The following RAI14 variants were observed in gnomAD, a reference collection of about 807,000 sequenced individuals.
RAI14 encodes retinoic acid induced 14.
A neutral mutation model predicts 115.4 loss-of-function variants in RAI14; 45 were observed. That is an observed-to-expected ratio of 0.39 (90% CI 0.31 to 0.50). The LOEUF is 0.50. Ranked by LOEUF, RAI14 falls within the 20% of genes least tolerant of loss-of-function variation. RAI14 has a pLI of 0.85. For missense variants in RAI14, 939 were observed against 1,131.2 expected (o/e 0.83, Z 2.44); for synonymous variants, 371 against 415.4 (o/e 0.89, Z 1.30).
intron 3 of RAI14, among the ~76,000 whole-genome samples, chr5:34,794,981 GAC>G (rs1235940660): frequency 1.3e-5 from 2 of 152,184 alleles, no homozygotes; most frequent in African/African-American, 4.8e-5. Flanking sequence ...AAACAGGACT[GAC>G]TCAGGAGAAG....
chr5:34,805,232 T>G (rs1043825561), intron 5 of RAI14, among the ~76,000 whole-genome samples: 2 of 151,850 alleles, frequency 1.3e-5, no homozygotes, highest in Non-Finnish European at 1.5e-5. Context: ...ATTGTTCTTC[T>G]TCCTGGATGG....
intron 2 of RAI14, among the ~76,000 whole-genome samples, chr5:34,692,976 G>A (rs1278135827): frequency 6.6e-6 from 1 of 152,172 alleles, no homozygotes; most frequent in Non-Finnish European, 1.5e-5. Flanking sequence ...TCTGGTGGTT[G>A]GCTGGCAGTG....
intron 1 of RAI14, among the ~76,000 whole-genome samples, chr5:34,658,276 A>G (rs1742435183): frequency 6.6e-6 from 1 of 152,188 alleles, no homozygotes; most frequent in Non-Finnish European, 1.5e-5. Context: ...CCCGCCCACC[A>G]GTAGTGAACC....
At chr5:34,753,238 G>T (rs1747365160) in intron 2 of RAI14, among the ~76,000 whole-genome samples, 1 of 152,096 alleles carries the variant, frequency 6.6e-6, no homozygotes, top group Non-Finnish European at 1.5e-5. Context: ...AGCCTTCTTT[G>T]ATTCTAGAGT....
At chr5:34,767,205 A>G (rs1312561416) in intron 3 of RAI14, among the ~76,000 whole-genome samples, 1 of 152,218 alleles carries the variant, frequency 6.6e-6, no homozygotes, top group Non-Finnish European at 1.5e-5. Context: ...TATATTGAGA[A>G]CAAAGGATTT....
intron 1 of RAI14, among the ~76,000 whole-genome samples, chr5:34,673,207 T>C (rs1378566915): frequency 6.6e-6 from 1 of 152,160 alleles, no homozygotes; most frequent in African/African-American, 2.4e-5. Flanking sequence ...AGAATGGAAA[T>C]AGCCCAGAAG....
intron 1 of RAI14, chr5:34,659,116 C>T (rs2149836723): frequency 6.6e-6 from 1 of 152,224 alleles, no homozygotes. Flanking sequence ...ATAATTCTAC[C>T]TATGTATAGC....
intron 14 of RAI14, among the ~76,000 whole-genome samples, chr5:34,822,250 G>GTATGTATATATATATATATATATATA (rs1554012471): frequency 5.2e-5 from 7 of 134,730 alleles, no homozygotes; most frequent in African/African-American, 2.0e-4. Flanking sequence ...ATGTGTGTAT[G>GTATGTATATATATATATATATATATA]TATATATATA....
chr5:34,682,970 G>C (rs1462676969), intron 1 of RAI14, among the ~76,000 whole-genome samples: 1 of 152,198 alleles, frequency 6.6e-6, no homozygotes, highest in Non-Finnish European at 1.5e-5. Context: ...CTGGGCTTTA[G>C]AAGTTTGGGA....
chr5:34,672,316 C>A (rs1361010188), intron 1 of RAI14, among the ~76,000 whole-genome samples: 1 of 152,066 alleles, frequency 6.6e-6, no homozygotes, highest in Non-Finnish European at 1.5e-5. Flanking sequence ...TCTTGAGTAG[C>A]CTTAATGCTA....
chr5:34,798,346 G>GTTTTTTT (rs57789035), intron 4 of RAI14, among the ~76,000 whole-genome samples: 1 of 119,556 alleles, frequency 8.4e-6, no homozygotes, highest in Non-Finnish European at 1.9e-5. Flanking sequence ...GCCAGAATAA[G>GTTTTTTT]TTTTTTTTTT....
rs1488672988 is a variant in RAI14 at position 34,827,242 on chromosome 5, G to T, written c.2799+763G>T. Among the ~76,000 whole-genome samples the T allele has an allele frequency of 2.0e-5, 3 of 151,884 alleles. No homozygotes were observed. Among genetic ancestry groups the T allele is most frequent in the African/African-American group, 7.3e-5 (3 of 41,344 alleles). ...ATTTTCTTGCCTCCCTCTTATAAGG[G>T]CTCTTGTGATTACATCTAAAGCCCA... is the stretch of plus-strand genomic sequence containing the variant. On this transcript the variant is annotated intron_variant, in intron 16 of 17. Transcript: ENST00000265109. This position sits in a 1 kb window ranked among gnomAD's most constrained non-coding sequence, Gnocchi z 4.2.
intron 3 of RAI14, among the ~76,000 whole-genome samples, chr5:34,790,767 CAT>C (rs4001958): frequency 0.24 from 34,424 of 144,750 alleles, 4,734 homozygotes; most frequent in Non-Finnish European, 0.3. Context: ...TGTATATATA[CAT>C]ATATATATAT....
At chr5:34,735,744 C>T (rs1399959549) in intron 2 of RAI14, among the ~76,000 whole-genome samples, 1 of 152,168 alleles carries the variant, frequency 6.6e-6, no homozygotes, top group African/African-American at 2.4e-5. Flanking sequence ...GAAATTAATT[C>T]GGCAGGGTTT....
intron 1 of RAI14, among the ~76,000 whole-genome samples, chr5:34,677,161 ATTTTTTTTTTT>A (rs747450748): frequency 4.8e-5 from 4 of 83,152 alleles, no homozygotes; most frequent in Non-Finnish European, 7.0e-5. Context: ...TGACATTTCT[ATTTTTTTTTTT>A]TTTTTTTTTT....
At chr5:34,700,650 T>C (rs1350140824) in intron 2 of RAI14, among the ~76,000 whole-genome samples, 1 of 152,090 alleles carries the variant, frequency 6.6e-6, no homozygotes, top group African/African-American at 2.4e-5. Flanking sequence ...GTCAGTAGGG[T>C]TTTCTGGATG....
chr5:34,761,789 C>A (rs567508186), intron 3 of RAI14, among the ~76,000 whole-genome samples: 1 of 152,040 alleles, frequency 6.6e-6, no homozygotes, highest in East Asian at 1.9e-4. Flanking sequence ...CCATTATATT[C>A]GATTATTTTA....
intron 2 of RAI14, among the ~76,000 whole-genome samples, chr5:34,750,101 G>A (rs1746792436): frequency 2.6e-5 from 4 of 152,140 alleles, no homozygotes; most frequent in Admixed American, 6.5e-5. Context: ...TAGGTACCTA[G>A]TATGTGCCTG....
intron 4 of RAI14, among the ~76,000 whole-genome samples, chr5:34,800,191 T>C (rs1754096600): frequency 6.6e-6 from 1 of 152,242 alleles, no homozygotes; most frequent in Admixed American, 6.5e-5. Context: ...AAGAATTGAA[T>C]ACATGGTCAT....
Sources: gnomAD v4.1 joint callset for allele counts (sites outside exome capture counted in the v4.1 genomes callset) on GRCh38, gnomAD v4.1.1 for gene constraint, Gnocchi (gnomAD v3.1) non-coding constraint, MANE v1.5 for transcripts, NCBI Gene and HGNC (gene_info 2026-07-23, HGNC 2026-07-21) for gene names.